The following PCYT1B variants were observed in gnomAD, a reference collection of about 807,000 sequenced individuals.
PCYT1B encodes the protein phosphate cytidylyltransferase 1B, choline.
Under a neutral mutation model 26.4 loss-of-function variants are expected in PCYT1B, and 10 were observed. That is an observed-to-expected ratio of 0.38 (90% CI 0.23 to 0.64). The LOEUF is 0.64. Among genes scored for constraint, PCYT1B ranks in the 30% least tolerant of loss-of-function variants. PCYT1B has a pLI of 0.56. For synonymous variants in PCYT1B, 131 were observed against 108.4 expected (o/e 1.21, Z -1.29); for missense variants, 161 against 292.7 (o/e 0.55, Z 3.28).
At chrX:24,603,734 AT>A (rs1925037712) in intron 3 of PCYT1B, among the ~76,000 whole-genome samples, 2 of 111,384 alleles carry the variant, frequency 1.8e-5, no homozygotes, top group African/African-American at 6.5e-5. Flanking sequence ...AAAAAAAAAA[AT>A]GATTAAATAA....
intron 1 of PCYT1B, among the ~76,000 whole-genome samples, chrX:24,629,579 A>AAAAAC (rs1569252080): frequency 2.0e-5 from 2 of 100,100 alleles, no homozygotes; most frequent in African/African-American, 3.5e-5. Flanking sequence ...AAAAAAAAAA[A>AAAAAC]AAAAAAAAAA....
rs1050605035 is a variant in PCYT1B at position 24,596,316 on chromosome X, G to T, written c.335-6142C>A. ...ATTAGAAGTGCAGGTATTGGGCCAG[G>T]TGCGGTGGCTCATGCCTGTAATCCC... On this transcript the variant is annotated intron_variant, in intron 3 of 7. Transcript: ENST00000379144. Among the ~76,000 whole-genome samples, 11 of 111,873 alleles carry T rather than the reference G, an allele frequency of 9.8e-5. No individual in the cohort carries two copies. In the South Asian group the frequency reaches 1.1e-3, roughly 11 times the overall value.
intron 3 of PCYT1B, among the ~76,000 whole-genome samples, chrX:24,593,817 G>A (rs1179826660): frequency 1.9e-4 from 21 of 111,076 alleles, no homozygotes; most frequent in South Asian, 1.5e-3. Flanking sequence ...GTGAGCCACC[G>A]CGCCTGGCCT....
At chrX:24,599,925 G>A (rs993829529) in intron 3 of PCYT1B, among the ~76,000 whole-genome samples, 2 of 110,889 alleles carry the variant, frequency 1.8e-5, no homozygotes, top group African/African-American at 6.6e-5. Flanking sequence ...TTTATTTGTT[G>A]GAGATGGAGT....
chrX:24,598,513 A>ACT (rs1924859739), intron 3 of PCYT1B, among the ~76,000 whole-genome samples: 2 of 109,396 alleles, frequency 1.8e-5, no homozygotes, highest in Non-Finnish European at 3.8e-5. Context: ...ACACACACTC[A>ACT]CACACACACG....
intron 2 of PCYT1B, among the ~76,000 whole-genome samples, chrX:24,616,228 CT>C (rs59287140): frequency 0.25 from 10,983 of 43,763 alleles, 1,255 homozygotes; most frequent in South Asian, 0.39. Flanking sequence ...ACCACCTGGA[CT>C]TTTTTTTTTT....
intron 1 of PCYT1B, 141 bp downstream of exon 1, chrX:24,646,848 G>A: frequency 2.0e-6 from 1 of 498,634 alleles, no homozygotes; most frequent in South Asian, 3.2e-5. Context: ...AGTATAAACA[G>A]CTGAGAAGGA....
At chrX:24,566,737 C>G (rs750005103) in intron 7 of PCYT1B, among the ~76,000 whole-genome samples, 1 of 111,566 alleles carries the variant, frequency 9.0e-6, no homozygotes, top group African/African-American at 3.3e-5. Flanking sequence ...CTGCCTGCCC[C>G]CAACACTCAT....
upstream of PCYT1B, among the ~76,000 whole-genome samples, chrX:24,651,468 AAAAAATATATAT>A (rs1423167255): frequency 1.2e-3 from 39 of 33,882 alleles, no homozygotes; most frequent in African/African-American, 4.5e-3. Context: ...AAAAAAAAAA[AAAAAATATATAT>A]ATATATATAT....
Position 24,575,457 on chromosome X carries a change from C to T in PCYT1B, c.709-139G>A, listed in dbSNP as rs144017745. Reference sequence around the variant, plus strand: ...TGAAGAGTCAAGATGTTGCCATTTCCCAAGGGCTAGGTTGATGGAAAGGCA... The same window carrying T: ...TGAAGAGTCAAGATGTTGCCATTTCTCAAGGGCTAGGTTGATGGAAAGGCA... On this transcript the variant is annotated intron_variant, in intron 6 of 7. Coordinates refer to ENST00000379144, the MANE Select transcript of PCYT1B (RefSeq NM_004845.5). The T allele has an allele frequency of 4.1e-3, 1,924 of 468,094 alleles. 2 individuals carry two copies. The highest frequency in any genetic ancestry group is 5.2e-3 in the Non-Finnish European group (1,540 of 295,336). The allele number at this position is 468,094 out of a possible 1,213,427, so 38.6% of individuals were successfully genotyped here.
At position 24,625,970 on chromosome X, in the gene PCYT1B, C is replaced by T. The variant is rs377247361; in HGVS notation, c.118-6886G>A. On this transcript the variant is annotated intron_variant, in intron 1 of 7. Transcript: ENST00000379144. ...TTCTACTAAAAATACAAAAATTAGC[C>T]GGGTCTGATGGCACACACCTGTAAT... Among the ~76,000 whole-genome samples, 329 of 107,695 alleles carry T rather than the reference C, an allele frequency of 3.1e-3. 2 individuals carry two copies. Among genetic ancestry groups the T allele is most frequent in the African/African-American group, 0.011 (312 of 29,564 alleles). 93.5% of individuals were successfully genotyped at this position (107,695 alleles called of 115,157 possible).
intron 4 of PCYT1B, among the ~76,000 whole-genome samples, chrX:24,588,968 TAAC>T (rs1474510340): frequency 9.0e-6 from 1 of 111,413 alleles, no homozygotes; most frequent in Non-Finnish European, 1.9e-5. Context: ...CAATGTATAA[TAAC>T]AACTTCTCAG....
chrX:24,662,002 A>G (rs1369754178), intron 1 of PCYT1B, among the ~76,000 whole-genome samples: 1 of 111,010 alleles, frequency 9.0e-6, no homozygotes, highest in Non-Finnish European at 1.9e-5. Flanking sequence ...CATCTCCACT[A>G]AAAATAAAAA....
intron 3 of PCYT1B, among the ~76,000 whole-genome samples, chrX:24,601,214 C>T (rs748155490): frequency 3.6e-5 from 4 of 112,081 alleles, no homozygotes; most frequent in Admixed American, 9.5e-5. Flanking sequence ...GACTGGGGGC[C>T]GGGCACGATG....
chrX:24,587,146 G>A (rs954362758), intron 5 of PCYT1B, 95 bp downstream of exon 5: 1 of 600,164 alleles, frequency 1.7e-6, no homozygotes. Flanking sequence ...CTCCCTGTTT[G>A]TATACACTGC....
intron 5 of PCYT1B, among the ~76,000 whole-genome samples, chrX:24,581,772 T>A (rs1483929103): frequency 8.9e-6 from 1 of 112,491 alleles, no homozygotes; most frequent in African/African-American, 3.2e-5. Flanking sequence ...TGAATATTGA[T>A]CTCTAAGTGC....
At chrX:24,642,946 G>A (rs111891127) in intron 1 of PCYT1B, among the ~76,000 whole-genome samples, 1,345 of 111,748 alleles carry the variant, frequency 0.012, 10 homozygotes, top group Middle Eastern at 0.023. Context: ...AGTAAAACCC[G>A]AAATGAACTC....
chrX:24,613,648 C>T (rs1013919002), intron 2 of PCYT1B, among the ~76,000 whole-genome samples: 14 of 110,866 alleles, frequency 1.3e-4, no homozygotes, highest in African/African-American at 4.6e-4. Flanking sequence ...AACCGAGATT[C>T]CCTTTAAGAA....
chrX:24,662,836 G>A (rs981225108), intron 1 of PCYT1B, among the ~76,000 whole-genome samples: 1 of 111,935 alleles, frequency 8.9e-6, no homozygotes, highest in African/African-American at 3.3e-5. Flanking sequence ...TGGTATGTGG[G>A]ACAAGCACAG....
Sources: gnomAD v4.1 joint callset for allele counts (sites outside exome capture counted in the v4.1 genomes callset) on GRCh38, gnomAD v4.1.1 for gene constraint, MANE v1.5 for transcripts, NCBI Gene and HGNC (gene_info 2026-07-23, HGNC 2026-07-21) for gene names.